Variants in SPMAP2L observed in about 807,000 individuals in gnomAD.
SPMAP2L encodes the protein sperm microtubule associated protein 2 like, also known as sperm microtubule associated protein 2-like.
the SPMAP2L span, chr4:56,595,001 A>G: frequency 1.9e-6 from 3 of 1,607,706 alleles, no homozygotes; most frequent in East Asian, 4.5e-5. Context: ...TTTTTGCCCA[A>G]TCATCCCATC....
At chr4:56,591,403 C>T in the SPMAP2L span, among the ~76,000 whole-genome samples, 1 of 152,130 alleles carries the variant, frequency 6.6e-6, no homozygotes. Flanking sequence ...GTCTTTATAG[C>T]AATGCAAGGA....
the SPMAP2L span, among the ~76,000 whole-genome samples, chr4:56,608,939 T>A: frequency 1.3e-5 from 2 of 152,142 alleles, no homozygotes; most frequent in Non-Finnish European, 2.9e-5. Flanking sequence ...CCTTGTTGGG[T>A]TTTGGACTTA....
chr4:56,547,005 A>G, the SPMAP2L span, among the ~76,000 whole-genome samples: 1 of 152,194 alleles, frequency 6.6e-6, no homozygotes, highest in Non-Finnish European at 1.5e-5. Context: ...TTTTGAGAAG[A>G]GAGACCTTCG....
At chr4:56,567,383 C>T in the SPMAP2L span, among the ~76,000 whole-genome samples, 1 of 149,646 alleles carries the variant, frequency 6.7e-6, no homozygotes, top group African/African-American at 2.5e-5. Flanking sequence ...TCTCCTGCCT[C>T]AGCCTCCCAA....
the SPMAP2L span, chr4:56,559,493 A>C: frequency 6.5e-7 from 1 of 1,530,554 alleles, no homozygotes; most frequent in Non-Finnish European, 8.7e-7. Context: ...CAGCCCAAGG[A>C]AGTTTCCTGC....
At chr4:56,584,583 C>G in the SPMAP2L span, 2 of 1,535,288 alleles carry the variant, frequency 1.3e-6, no homozygotes, top group Non-Finnish European at 1.7e-6. Context: ...GCCAAAGGCA[C>G]AGACCCAAAC....
At chr4:56,604,729 A>G in the SPMAP2L span, among the ~76,000 whole-genome samples, 1 of 152,206 alleles carries the variant, frequency 6.6e-6, no homozygotes, top group African/African-American at 2.4e-5. Flanking sequence ...ACAATTCACA[A>G]TTGCAAAAAT....
chr4:56,601,190 T>C, the SPMAP2L span: 3 of 1,308,102 alleles, frequency 2.3e-6, no homozygotes, highest in East Asian at 2.5e-5. Flanking sequence ...ATAAGGCAAA[T>C]GAAAAGAGTT....
chr4:56,582,840 T>C, the SPMAP2L span, among the ~76,000 whole-genome samples: 1 of 152,158 alleles, frequency 6.6e-6, no homozygotes, highest in Non-Finnish European at 1.5e-5. Flanking sequence ...TATGAATAGA[T>C]ACACAAAATG....
At chr4:56,573,983 A>G in the SPMAP2L span, among the ~76,000 whole-genome samples, 1 of 152,206 alleles carries the variant, frequency 6.6e-6, no homozygotes, top group Admixed American at 6.5e-5. Flanking sequence ...GAACGTCCTA[A>G]AGGAACAGAG....
At chr4:56,615,356 T>C in the SPMAP2L span, among the ~76,000 whole-genome samples, 47 of 152,202 alleles carry the variant, frequency 3.1e-4, no homozygotes, top group South Asian at 6.2e-4. Flanking sequence ...CTGCGATCAG[T>C]CATCTCTTCT....
the SPMAP2L span, among the ~76,000 whole-genome samples, chr4:56,571,096 A>G: frequency 2.0e-5 from 3 of 151,370 alleles, no homozygotes; most frequent in Admixed American, 6.6e-5. Flanking sequence ...GAGCCACCAC[A>G]CCTGGCCTTT....
At chr4:56,615,299 C>T in the SPMAP2L span, among the ~76,000 whole-genome samples, 1 of 152,200 alleles carries the variant, frequency 6.6e-6, no homozygotes, top group South Asian at 2.1e-4. Flanking sequence ...TAAAGAAGCT[C>T]ATTAGGCTAG....
the SPMAP2L span, chr4:56,592,942 C>T: frequency 6.2e-7 from 1 of 1,604,242 alleles, no homozygotes; most frequent in Non-Finnish European, 8.5e-7. Flanking sequence ...AGAAGACGGT[C>T]CCTGCCAACA....
At chr4:56,599,734 C>T in the SPMAP2L span, among the ~76,000 whole-genome samples, 4,773 of 152,268 alleles carry the variant, frequency 0.031, 160 homozygotes, top group African/African-American at 0.081. Flanking sequence ...GATATGATCT[C>T]ATTCTTTTTT....
chr4:56,541,398 A>T, the SPMAP2L span, among the ~76,000 whole-genome samples: 1 of 152,146 alleles, frequency 6.6e-6, no homozygotes, highest in Non-Finnish European at 1.5e-5. Flanking sequence ...AGTTTTATTA[A>T]TTTTTTCACT....
the SPMAP2L span, among the ~76,000 whole-genome samples, chr4:56,548,423 A>G: frequency 6.6e-6 from 1 of 152,126 alleles, no homozygotes; most frequent in Non-Finnish European, 1.5e-5. Context: ...ACCCTTTATC[A>G]TATTTATTGC....
At chr4:56,554,649 A>G in the SPMAP2L span, among the ~76,000 whole-genome samples, 1,561 of 152,212 alleles carry the variant, frequency 0.01, 17 homozygotes, top group African/African-American at 0.027. Context: ...TTCACAAAAT[A>G]GAAATTTTAA....
the SPMAP2L span, chr4:56,594,765 A>G: frequency 8.0e-6 from 12 of 1,509,298 alleles, no homozygotes; most frequent in Middle Eastern, 2.0e-4. Flanking sequence ...CCATCCACCA[A>G]TGGGGTGTTT....
Sources: allele counts gnomAD v4.1 joint callset (sites outside exome capture counted in the v4.1 genomes callset), GRCh38; gene constraint gnomAD v4.1.1; transcripts MANE v1.5; gene names NCBI Gene and HGNC (gene_info 2026-07-23, HGNC 2026-07-21).